Variants in PIP5K1B observed in about 807,000 individuals in gnomAD.
PIP5K1B encodes the protein phosphatidylinositol 4-phosphate 5-kinase type-1 beta.
A neutral mutation model predicts 67.0 loss-of-function variants in PIP5K1B; 42 were observed. The observed-to-expected ratio is 0.63, with a 90% CI of 0.49 to 0.81. The LOEUF (loss-of-function observed/expected upper bound fraction) is 0.81, where lower values mean the gene tolerates loss of function less well. PIP5K1B is among the 30% of genes least tolerant of loss of function. The probability of loss-of-function intolerance (pLI) is 0.00; values close to 1 mark genes in which losing one functional copy is unlikely to be tolerated. For missense variants in PIP5K1B, 459 were observed against 646.3 expected (o/e 0.71, Z 3.14); for synonymous variants, 214 against 231.4 (o/e 0.92, Z 0.68).
intron 9 of PIP5K1B, among the ~76,000 whole-genome samples, 158 bp from the exon 10 acceptor site, chr9:68,919,321 C>T (rs1826251206): frequency 6.6e-6 from 1 of 150,822 alleles, no homozygotes. Context: ...AAAACAAAAA[C>T]AAAAAGGAAC....
At chr9:68,988,878 C>T (rs938646538) in intron 14 of PIP5K1B, among the ~76,000 whole-genome samples, 1 of 151,652 alleles carries the variant, frequency 6.6e-6, no homozygotes, top group Non-Finnish European at 1.5e-5. Flanking sequence ...GGGTGAATCA[C>T]GAGGTCAGGA....
intron 15 of PIP5K1B, among the ~76,000 whole-genome samples, chr9:68,996,246 A>G (rs972921249): frequency 6.6e-6 from 1 of 152,172 alleles, no homozygotes; most frequent in Non-Finnish European, 1.5e-5. Flanking sequence ...CCTGTAACTC[A>G]ACATGAAATT....
chr9:68,876,617 C>A (rs1823912779), intron 5 of PIP5K1B, 60 bp from the exon 6 acceptor site: 2 of 945,818 alleles, frequency 2.1e-6, no homozygotes, highest in South Asian at 1.3e-5. Flanking sequence ...AATTTGCGGT[C>A]AAAATTGTCC....
intron 6 of PIP5K1B, among the ~76,000 whole-genome samples, chr9:68,878,753 C>T (rs1428484612): frequency 6.6e-6 from 1 of 152,170 alleles, no homozygotes; most frequent in Non-Finnish European, 1.5e-5. Context: ...TGAAGCAAAA[C>T]ATGAAATACT....
At chr9:68,913,913 T>G (rs926349187) in intron 8 of PIP5K1B, among the ~76,000 whole-genome samples, 1 of 152,290 alleles carries the variant, frequency 6.6e-6, no homozygotes, top group South Asian at 2.1e-4. Context: ...GGATAGTGTC[T>G]TACTTTATCC....
At chr9:68,712,237 C>A (rs1460020171) in intron 1 of PIP5K1B, among the ~76,000 whole-genome samples, 1 of 152,122 alleles carries the variant, frequency 6.6e-6, no homozygotes, top group Non-Finnish European at 1.5e-5. Flanking sequence ...TACATGGACT[C>A]CCCCTTCACC....
At chr9:68,710,078 G>A (rs1827311694) in intron 1 of PIP5K1B, among the ~76,000 whole-genome samples, 2 of 152,212 alleles carry the variant, frequency 1.3e-5, no homozygotes, top group African/African-American at 4.8e-5. Context: ...TAGATGGTGA[G>A]TCAGAACATT....
At chr9:68,762,525 G>A (rs1233556385) in intron 2 of PIP5K1B, among the ~76,000 whole-genome samples, 1 of 152,064 alleles carries the variant, frequency 6.6e-6, no homozygotes, top group African/African-American at 2.4e-5. Flanking sequence ...CATTATCAAA[G>A]GCTTAGAAGG....
chr9:68,774,656 T>A (rs144258294), intron 2 of PIP5K1B, among the ~76,000 whole-genome samples: 1 of 152,284 alleles, frequency 6.6e-6, no homozygotes, highest in African/African-American at 2.4e-5. Context: ...CCCCTCTCAG[T>A]CAGTCCTAAG....
rs77044360 is a variant in PIP5K1B at position 68,970,103 on chromosome 9, G to A, written c.1503-21037G>A. On this transcript the variant is annotated intron_variant, in intron 14 of 15. Transcript: ENST00000265382. ...CTTAACATCACACAGATAGGTAGTA[G>A]CAGAATCAAGACCAGAATCTAGTTC... is the stretch of plus-strand genomic sequence containing the variant. Among the ~76,000 whole-genome samples, 60 of 152,306 alleles carry A rather than the reference G, an allele frequency of 3.9e-4. 1 individual carries two copies. In the East Asian group the frequency reaches 0.011, roughly 28 times the overall value.
At position 68,950,414 on chromosome 9, in the gene PIP5K1B, C is replaced by T. The variant is rs375481032; in HGVS notation, c.1502+9624C>T. ...GCAAATTTCGTCTCACCCTAGAGAG[C>T]CCCTGGCCAGCAGCCTCACACAGGG... On this transcript the variant is annotated intron_variant, in intron 14 of 15. Transcript: ENST00000265382. 1.7e-4 allele frequency among the ~76,000 whole-genome samples: 26 copies of T among 152,306 alleles called. No homozygotes were observed. The South Asian group carries it at 3.5e-3, about 21-fold the overall frequency.
At chr9:68,754,234 A>C (rs1829803169) in intron 2 of PIP5K1B, among the ~76,000 whole-genome samples, 1 of 126,746 alleles carries the variant, frequency 7.9e-6, no homozygotes, top group Non-Finnish European at 1.6e-5. Flanking sequence ...CAGTGGCGCG[A>C]TCTTGGCTCA....
chr9:68,990,716 T>C (rs918733393), intron 14 of PIP5K1B, among the ~76,000 whole-genome samples: 2 of 151,338 alleles, frequency 1.3e-5, no homozygotes, highest in African/African-American at 2.4e-5. Context: ...CGGGCTAGAG[T>C]GCAGTGGTGC....
chr9:68,932,903 C>G (rs1230567602), intron 12 of PIP5K1B, among the ~76,000 whole-genome samples: 1 of 152,038 alleles, frequency 6.6e-6, no homozygotes, highest in African/African-American at 2.4e-5. Context: ...GAGTTCGAAA[C>G]CAGCCTGACC....
At chr9:68,976,248 C>T (rs1829625663) in intron 14 of PIP5K1B, among the ~76,000 whole-genome samples, 1 of 152,170 alleles carries the variant, frequency 6.6e-6, no homozygotes. Context: ...GTTCCATTAG[C>T]TTACACAGCA....
Position 68,731,024 on chromosome 9 carries a change from G to C in PIP5K1B, c.-242-11477G>C, listed in dbSNP as rs144911674. On this transcript the variant is annotated intron_variant, in intron 1 of 15. Transcript: ENST00000265382. ...TTCTTCAATCATTAACCAGTAAACAGATATGACTTCCATAATCTTCACTGT... is the reference window on the plus strand; with the variant it reads ...TTCTTCAATCATTAACCAGTAAACACATATGACTTCCATAATCTTCACTGT... 5.4e-3 allele frequency among the ~76,000 whole-genome samples: 816 copies of C among 152,302 alleles called. 6 individuals carry two copies. The highest frequency in any genetic ancestry group is 0.014 in the Middle Eastern group (4 of 292).
rs565223413 is a variant in PIP5K1B, at chr9:68,767,508, C to T, written c.-86+24851C>T. On this transcript the variant is annotated intron_variant, in intron 2 of 15. Transcript: ENST00000265382. ...ATTCGGGAGGCTGAGGCAGGGGAAT[C>T]GCTTGAACCTGGGAGGTGGAAGCTG... Among the ~76,000 whole-genome samples the T allele has an allele frequency of 3.3e-5, 5 of 149,962 alleles. No individual in the cohort carries two copies. The South Asian group carries it at 8.4e-4, about 25-fold the overall frequency.
chr9:68,844,543 C>T (rs1587543706), intron 4 of PIP5K1B, among the ~76,000 whole-genome samples: 1 of 152,104 alleles, frequency 6.6e-6, no homozygotes, highest in East Asian at 1.9e-4. Context: ...CATCACCTGA[C>T]AGCCCAGAAA....
At chr9:68,723,554 A>G (rs893833310) in intron 1 of PIP5K1B, among the ~76,000 whole-genome samples, 3 of 152,032 alleles carry the variant, frequency 2.0e-5, no homozygotes, top group Non-Finnish European at 4.4e-5. Context: ...GTGAGATGTT[A>G]TCCCGTTGTG....
Sources: gnomAD v4.1 joint callset for allele counts (sites outside exome capture counted in the v4.1 genomes callset) on GRCh38, gnomAD v4.1.1 for gene constraint, MANE v1.5 for transcripts, NCBI Gene and HGNC (gene_info 2026-07-23, HGNC 2026-07-21) for gene names.